TPD52L1: variants seen among roughly 807,000 people sequenced by gnomAD.
TPD52L1 encodes TPD52 like 1.
A neutral mutation model predicts 28.7 loss-of-function variants in TPD52L1; 18 were observed. The observed-to-expected ratio is 0.63, with a 90% CI of 0.43 to 0.93. TPD52L1 has a LOEUF of 0.93. TPD52L1 is among the 40% of genes least tolerant of loss of function. The pLI is 0.00. For missense variants in TPD52L1, 203 were observed against 254.8 expected, an observed-to-expected ratio of 0.80 and a Z score of 1.39; for synonymous variants, 75 against 88.8, an observed-to-expected ratio of 0.84 and a Z score of 0.88.
intron 4 of TPD52L1, chr6:125,252,090 T>G: frequency 6.5e-7 from 1 of 1,531,944 alleles, no homozygotes. Context: ...GCTGCCCCTT[T>G]GCTTTCCAGG....
chr6:125,228,348 C>A (rs1795742581), intron 2 of TPD52L1, among the ~76,000 whole-genome samples: 1 of 152,200 alleles, frequency 6.6e-6, no homozygotes, highest in African/African-American at 2.4e-5. Flanking sequence ...TACATATACA[C>A]TTTAAATGTC....
At chr6:125,235,101 C>CAATAATAATAATAATAAT (rs147249181) in intron 3 of TPD52L1, among the ~76,000 whole-genome samples, 5,398 of 142,458 alleles carry the variant, frequency 0.038, 135 homozygotes, top group Non-Finnish European at 0.05. Context: ...CTACAAATAA[C>CAATAATAATAATAATAAT]AATAATAATA....
At position 125,161,405 on chromosome 6, in the gene TPD52L1, T is replaced by C. The variant is rs1037733513; in HGVS notation, c.19+7435T>C. Among the ~76,000 whole-genome samples the C allele has an allele frequency of 3.3e-5, 5 of 152,234 alleles. No individual in the cohort carries two copies. In the East Asian group the frequency reaches 5.8e-4, roughly 18 times the overall value. On this transcript the variant is annotated intron_variant, in intron 1 of 6. Transcript: ENST00000534000. Reference sequence around the variant, plus strand: ...GTTCAGTGGAATAGCATGCTACGTTTCTTTCAAGAACTTTTCCTTCACATT... The same window carrying C: ...GTTCAGTGGAATAGCATGCTACGTTCCTTTCAAGAACTTTTCCTTCACATT...
At chr6:125,185,893 G>GTTTT (rs1792578882) in intron 1 of TPD52L1, among the ~76,000 whole-genome samples, 1 of 94,708 alleles carries the variant, frequency 1.1e-5, no homozygotes, top group Admixed American at 1.2e-4. Flanking sequence ...TTGGAAATTT[G>GTTTT]ATTTTTTTTT....
At chr6:125,175,421 A>G (rs1791761645) in intron 1 of TPD52L1, among the ~76,000 whole-genome samples, 1 of 152,226 alleles carries the variant, frequency 6.6e-6, no homozygotes, top group Admixed American at 6.5e-5. Context: ...TAGAATTTTC[A>G]GTACTCTACC....
chr6:125,255,421 T>C (rs1797536869), intron 5 of TPD52L1, among the ~76,000 whole-genome samples: 2 of 152,184 alleles, frequency 1.3e-5, no homozygotes, highest in African/African-American at 4.8e-5. Context: ...TACTAACATT[T>C]CATCATGAAA....
chr6:125,229,372 G>T, intron 3 of TPD52L1, 106 bp downstream of exon 3: 1 of 1,151,368 alleles, frequency 8.7e-7, no homozygotes, highest in Non-Finnish European at 1.2e-6. Flanking sequence ...CATGAAGCTA[G>T]GAAAAAAAAA....
At chr6:125,219,154 A>T (rs1795066347) in intron 1 of TPD52L1, among the ~76,000 whole-genome samples, 1 of 152,164 alleles carries the variant, frequency 6.6e-6, no homozygotes, top group Non-Finnish European at 1.5e-5. Context: ...GACTGGAATC[A>T]TGTCATAGAT....
intron 4 of TPD52L1, 193 bp from the exon 5 acceptor site, chr6:125,253,524 C>A: frequency 1.7e-6 from 1 of 573,548 alleles, no homozygotes; most frequent in Non-Finnish European, 3.1e-6. Context: ...ATCTACTTTT[C>A]ATTTATACCC....
chr6:125,259,593 C>T (rs1269749647), intron 6 of TPD52L1, among the ~76,000 whole-genome samples: 2 of 152,190 alleles, frequency 1.3e-5, no homozygotes, highest in Non-Finnish European at 2.9e-5. Flanking sequence ...TGCCATCTCC[C>T]AATGAGTCAT....
intron 2 of TPD52L1, among the ~76,000 whole-genome samples, chr6:125,227,248 C>G (rs897239434): frequency 6.6e-5 from 10 of 152,186 alleles, no homozygotes; most frequent in Admixed American, 3.3e-4. Context: ...TTCAGTATTT[C>G]TGCTTGTTTT....
At chr6:125,177,195 G>C (rs1791877307) in intron 1 of TPD52L1, among the ~76,000 whole-genome samples, 1 of 152,134 alleles carries the variant, frequency 6.6e-6, no homozygotes, top group Non-Finnish European at 1.5e-5. Flanking sequence ...CTCATCATTG[G>C]CCATTTTCTC....
chr6:125,224,959 C>A (rs1795511055), intron 2 of TPD52L1, among the ~76,000 whole-genome samples: 1 of 152,138 alleles, frequency 6.6e-6, no homozygotes, highest in Non-Finnish European at 1.5e-5. Context: ...GTTGTGTAAC[C>A]ACCACATCTG....
chr6:125,212,027 A>G lies in TPD52L1; in HGVS notation c.20-8051A>G, dbSNP rs780778394. Among the ~76,000 whole-genome samples, 14 of 152,360 alleles carry G rather than the reference A, an allele frequency of 9.2e-5. 1 individual carries two copies. The South Asian group carries it at 2.9e-3, about 32-fold the overall frequency. ...ATTTTTTGTGGTCTTAAAGATAATC[A>G]TAAATCCAACAGTAATATGATTAGC... is the stretch of plus-strand genomic sequence containing the variant. On this transcript the variant is annotated intron_variant, in intron 1 of 6. Transcript: ENST00000534000.
At chr6:125,177,574 T>G (rs1158820323) in intron 1 of TPD52L1, among the ~76,000 whole-genome samples, 1 of 152,328 alleles carries the variant, frequency 6.6e-6, no homozygotes, top group Non-Finnish European at 1.5e-5. Flanking sequence ...GTTTTCTTAC[T>G]ACAGCCCTGT....
intron 4 of TPD52L1, 60 bp from the exon 5 acceptor site, chr6:125,253,657 T>C: frequency 6.8e-7 from 1 of 1,464,796 alleles, no homozygotes; most frequent in Admixed American, 1.8e-5. Flanking sequence ...GTTTTTCATG[T>C]ACTTATGTGT....
At chr6:125,197,970 T>G (rs1056712899) in intron 1 of TPD52L1, among the ~76,000 whole-genome samples, 1 of 152,148 alleles carries the variant, frequency 6.6e-6, no homozygotes. Flanking sequence ...AACTTCTGAG[T>G]GAGTCCTTGG....
intron 1 of TPD52L1, among the ~76,000 whole-genome samples, chr6:125,183,864 T>C (rs531276527): frequency 8.5e-5 from 13 of 152,270 alleles, no homozygotes; most frequent in African/African-American, 3.1e-4. Context: ...ATGTATACGA[T>C]ATGAGCTAAA....
intron 1 of TPD52L1, among the ~76,000 whole-genome samples, chr6:125,172,728 A>G (rs1448997000): frequency 6.7e-6 from 1 of 149,214 alleles, no homozygotes; most frequent in African/African-American, 2.5e-5. Context: ...TACAGGCCCA[A>G]GATATTTTGC....
Sources: gnomAD v4.1 joint callset for allele counts (sites outside exome capture counted in the v4.1 genomes callset) on GRCh38, gnomAD v4.1.1 for gene constraint, MANE v1.5 for transcripts, NCBI Gene and HGNC (gene_info 2026-07-23, HGNC 2026-07-21) for gene names.